The following MACROD2 variants were observed in gnomAD, a reference collection of about 807,000 sequenced individuals.
MACROD2 encodes ADP-ribose glycohydrolase MACROD2.
In MACROD2, 36 loss-of-function variants were observed where a neutral mutation model predicts 70.4. That is an observed-to-expected ratio of 0.51 (90% CI 0.39 to 0.68). The LOEUF (loss-of-function observed/expected upper bound fraction) is 0.68. Among genes scored for constraint, MACROD2 ranks in the 30% least tolerant of loss-of-function variants. The pLI, the probability that MACROD2 is intolerant of heterozygous loss-of-function variation, is 0.00. For synonymous variants in MACROD2, 172 were observed against 178.8 expected (o/e 0.96, Z 0.30); for missense variants, 496 against 538.4 (o/e 0.92, Z 0.78).
At chr20:15,243,035 T>G (rs1329224409) in intron 6 of MACROD2, among the ~76,000 whole-genome samples, 1 of 152,144 alleles carries the variant, frequency 6.6e-6, no homozygotes, top group Non-Finnish European at 1.5e-5. Flanking sequence ...TCCAAGTTGG[T>G]GTGAGGAGTC....
intron 5 of MACROD2, among the ~76,000 whole-genome samples, chr20:15,059,999 C>T (rs146603955): frequency 9.2e-5 from 14 of 152,110 alleles, no homozygotes; most frequent in East Asian, 7.7e-4. Flanking sequence ...TAAATATGAC[C>T]GCTGCCATCT....
chr20:15,099,210 G>T (rs1457532458), intron 5 of MACROD2, among the ~76,000 whole-genome samples: 1 of 152,158 alleles, frequency 6.6e-6, no homozygotes, highest in Non-Finnish European at 1.5e-5. Context: ...GCTATGGAAT[G>T]AATATTCGTG....
chr20:14,340,315 G>A (rs1055368096), intron 3 of MACROD2, among the ~76,000 whole-genome samples: 1 of 152,130 alleles, frequency 6.6e-6, no homozygotes, highest in Non-Finnish European at 1.5e-5. Context: ...CCACATGACT[G>A]TAGACAAATT....
chr20:14,092,536 G>A (rs762777191), intron 3 of MACROD2, among the ~76,000 whole-genome samples: 2 of 152,042 alleles, frequency 1.3e-5, no homozygotes, highest in African/African-American at 2.4e-5. Flanking sequence ...TTTTGATTTT[G>A]TACTTTTCAT....
At chr20:15,443,165 C>T (rs1218107435) in intron 7 of MACROD2, among the ~76,000 whole-genome samples, 1 of 152,218 alleles carries the variant, frequency 6.6e-6, no homozygotes, top group Non-Finnish European at 1.5e-5. Flanking sequence ...TTCTGCAACA[C>T]TCTAAGGCTG....
chr20:15,577,891 G>A (rs2048470880), intron 8 of MACROD2, among the ~76,000 whole-genome samples: 1 of 152,122 alleles, frequency 6.6e-6, no homozygotes, highest in African/African-American at 2.4e-5. Flanking sequence ...TTCACTGAAA[G>A]TAAATAACAT....
At chr20:14,801,235 C>T (rs978512694) in intron 5 of MACROD2, among the ~76,000 whole-genome samples, 1 of 152,136 alleles carries the variant, frequency 6.6e-6, no homozygotes, top group African/African-American at 2.4e-5. Flanking sequence ...GCTGATAAGC[C>T]GTTTCCCCTG....
intron 12 of MACROD2, among the ~76,000 whole-genome samples, chr20:15,956,860 C>T (rs771318283): frequency 1.3e-5 from 2 of 152,040 alleles, no homozygotes; most frequent in South Asian, 2.1e-4. Flanking sequence ...TATAGGAGAG[C>T]GGTGAATGTT....
intron 8 of MACROD2, among the ~76,000 whole-genome samples, chr20:15,632,702 C>A (rs1459781942): frequency 6.6e-6 from 1 of 152,160 alleles, no homozygotes; most frequent in Non-Finnish European, 1.5e-5. Context: ...TAACCAGCAT[C>A]TTAGAATGGG....
At chr20:14,303,609 A>G (rs571323371) in intron 3 of MACROD2, among the ~76,000 whole-genome samples, 1 of 152,326 alleles carries the variant, frequency 6.6e-6, no homozygotes, top group South Asian at 2.1e-4. Flanking sequence ...CCACCATGTG[A>G]GAAGCCCTTC....
chr20:14,266,407 A>T (rs1056824963), intron 3 of MACROD2, among the ~76,000 whole-genome samples: 1 of 152,170 alleles, frequency 6.6e-6, no homozygotes, highest in Non-Finnish European at 1.5e-5. Flanking sequence ...GGATATAGAG[A>T]ACTCTGCCTC....
At chr20:15,927,707 T>G (rs915910048) in intron 10 of MACROD2, among the ~76,000 whole-genome samples, 1 of 152,178 alleles carries the variant, frequency 6.6e-6, no homozygotes, top group Non-Finnish European at 1.5e-5. Flanking sequence ...ATGAGGCTCT[T>G]CATTAAAACA....
intron 2 of MACROD2, among the ~76,000 whole-genome samples, chr20:14,071,610 G>A (rs2053844135): frequency 1.3e-5 from 2 of 152,048 alleles, no homozygotes; most frequent in East Asian, 1.9e-4. Flanking sequence ...GTTTCTCCTC[G>A]TCTGCCTCAT....
At chr20:15,330,820 G>A (rs906880994) in intron 6 of MACROD2, among the ~76,000 whole-genome samples, 1 of 151,448 alleles carries the variant, frequency 6.6e-6, no homozygotes, top group Non-Finnish European at 1.5e-5. Context: ...AGCTCAGAAG[G>A]CATCTCAAGT....
chr20:14,066,255 T>C (rs975466296), intron 2 of MACROD2, among the ~76,000 whole-genome samples: 1 of 152,192 alleles, frequency 6.6e-6, no homozygotes, highest in Admixed American at 6.5e-5. Context: ...ACAAACCAGG[T>C]CCTCTTAAGC....
intron 5 of MACROD2, among the ~76,000 whole-genome samples, chr20:14,856,601 A>T (rs1467468200): frequency 6.6e-6 from 1 of 152,206 alleles, no homozygotes; most frequent in Non-Finnish European, 1.5e-5. Flanking sequence ...CCCAAATTTA[A>T]TTTCTGGATC....
At chr20:15,849,022 A>C (rs1026301431) in intron 8 of MACROD2, among the ~76,000 whole-genome samples, 3 of 152,236 alleles carry the variant, frequency 2.0e-5, no homozygotes, top group African/African-American at 4.8e-5. Context: ...ATAAAGCGAC[A>C]ATCAAAGGTT....
chr20:15,924,347 C>T (rs983043725), intron 10 of MACROD2, among the ~76,000 whole-genome samples: 2 of 152,062 alleles, frequency 1.3e-5, no homozygotes, highest in African/African-American at 4.8e-5. Flanking sequence ...TTGTGAGTTG[C>T]CCCAGACAGA....
intron 7 of MACROD2, among the ~76,000 whole-genome samples, chr20:15,463,691 G>T (rs1419582925): frequency 6.6e-6 from 1 of 152,126 alleles, no homozygotes; most frequent in African/African-American, 2.4e-5. Context: ...AGAGGTTGCA[G>T]TGAGCCAAGA....
Sources: gnomAD v4.1 joint callset for allele counts (sites outside exome capture counted in the v4.1 genomes callset) on GRCh38, gnomAD v4.1.1 for gene constraint, MANE v1.5 for transcripts, NCBI Gene and HGNC (gene_info 2026-07-23, HGNC 2026-07-21) for gene names.